The following SCAPER variants were observed in gnomAD, a reference collection of about 807,000 sequenced individuals.
SCAPER encodes the protein S phase cyclin A-associated protein in the endoplasmic reticulum.
Under a neutral mutation model 182.2 loss-of-function variants are expected in SCAPER, and 98 were observed. That is an observed-to-expected ratio of 0.54 (90% CI 0.46 to 0.64). The LOEUF (loss-of-function observed/expected upper bound fraction) is 0.64. Ranked by LOEUF, SCAPER falls within the 30% of genes least tolerant of loss-of-function variation. The pLI is 0.00. For missense variants in SCAPER, 1,432 were observed against 1,690.0 expected (o/e 0.85, Z 2.68); for synonymous variants, 605 against 564.6 (o/e 1.07, Z -1.01).
chr15:76,722,359 G>A, intron 17 of SCAPER, among the ~76,000 whole-genome samples: 1 of 152,182 alleles, frequency 6.6e-6, no homozygotes, highest in East Asian at 1.9e-4. Context: ...TTGCATCAAT[G>A]TTCATCAAGG....
intron 17 of SCAPER, among the ~76,000 whole-genome samples, chr15:76,708,787 T>C (rs913384398): frequency 1.3e-5 from 2 of 152,068 alleles, no homozygotes; most frequent in African/African-American, 4.8e-5. Context: ...AAGAGGAGGC[T>C]GGGCACGATG....
At chr15:76,562,615 A>G (rs1277731048) in intron 23 of SCAPER, among the ~76,000 whole-genome samples, 1 of 152,236 alleles carries the variant, frequency 6.6e-6, no homozygotes, top group Non-Finnish European at 1.5e-5. Flanking sequence ...AAAATGTCTG[A>G]TAATAACAAG....
chr15:76,651,311 A>ATACATCCTGTATG (rs1435202272), intron 21 of SCAPER, among the ~76,000 whole-genome samples: 1 of 152,164 alleles, frequency 6.6e-6, no homozygotes, highest in Non-Finnish European at 1.5e-5. Context: ...AGAGGATGTC[A>ATACATCCTGTATG]CTAAAAAGCA....
At chr15:76,670,676 T>C (rs543794537) in intron 20 of SCAPER, among the ~76,000 whole-genome samples, 3 of 152,348 alleles carry the variant, frequency 2.0e-5, no homozygotes, top group Admixed American at 2.0e-4. Context: ...TCCTGTTTTG[T>C]TTCTAAATCT....
At chr15:76,815,209 A>G (rs2066967761) in intron 5 of SCAPER, among the ~76,000 whole-genome samples, 1 of 152,242 alleles carries the variant, frequency 6.6e-6, no homozygotes, top group Non-Finnish European at 1.5e-5. Flanking sequence ...AAAGTTTCTC[A>G]AAAAATTAAA....
intron 21 of SCAPER, among the ~76,000 whole-genome samples, chr15:76,622,990 A>C (rs2052233262): frequency 6.6e-6 from 1 of 152,158 alleles, no homozygotes; most frequent in South Asian, 2.1e-4. Context: ...CAGTTGTTTA[A>C]GAGTGTGGCA....
intron 1 of SCAPER, among the ~76,000 whole-genome samples, chr15:76,900,472 T>C (rs1002411290): frequency 4.7e-5 from 7 of 149,248 alleles, no homozygotes; most frequent in African/African-American, 1.7e-4. Flanking sequence ...AAAAAAACAG[T>C]GGCCAAGCAG....
intron 6 of SCAPER, among the ~76,000 whole-genome samples, chr15:76,801,066 C>T (rs932905894): frequency 6.6e-6 from 1 of 152,182 alleles, no homozygotes; most frequent in Admixed American, 6.5e-5. Flanking sequence ...ATTTCACTGG[C>T]AAATAGTATT....
intron 1 of SCAPER, among the ~76,000 whole-genome samples, chr15:76,897,823 T>C (rs2074521495): frequency 6.6e-6 from 1 of 152,270 alleles, no homozygotes; most frequent in Non-Finnish European, 1.5e-5. Context: ...GACAGATTAT[T>C]GTTTCTGCAT....
chr15:76,754,505 AAGAT>A (rs879655639), intron 14 of SCAPER, among the ~76,000 whole-genome samples: 5 of 152,098 alleles, frequency 3.3e-5, no homozygotes, highest in Non-Finnish European at 7.4e-5. Context: ...CCTACAAAAA[AAGAT>A]AGATGTAGTA....
chr15:76,673,509 G>A (rs918788174), intron 20 of SCAPER, among the ~76,000 whole-genome samples: 1 of 152,024 alleles, frequency 6.6e-6, no homozygotes, highest in Non-Finnish European at 1.5e-5. Flanking sequence ...AGTAAATATG[G>A]TTATATTATA....
chr15:76,604,283 TC>T, intron 22 of SCAPER, among the ~76,000 whole-genome samples: 1 of 121,354 alleles, frequency 8.2e-6, no homozygotes, highest in South Asian at 2.6e-4. Context: ...AAATAGGGAA[TC>T]CTTTCCCTAT....
At chr15:76,398,297 G>T (rs2044222808) in intron 27 of SCAPER, among the ~76,000 whole-genome samples, 2 of 152,220 alleles carry the variant, frequency 1.3e-5, no homozygotes, top group Admixed American at 6.5e-5. Context: ...CTATGTACCA[G>T]GCAGCATGTT....
chr15:76,635,522 A>G (rs748043675), intron 21 of SCAPER, among the ~76,000 whole-genome samples: 5 of 151,970 alleles, frequency 3.3e-5, no homozygotes, highest in Non-Finnish European at 7.4e-5. Flanking sequence ...AAATAGTTTC[A>G]TATCTTCCTT....
At chr15:76,611,856 C>G (rs149674948) in intron 22 of SCAPER, among the ~76,000 whole-genome samples, 2,364 of 152,226 alleles carry the variant, frequency 0.016, 63 homozygotes, top group African/African-American at 0.055. Flanking sequence ...ATGATTATCT[C>G]AATAGGTGCA....
intron 23 of SCAPER, among the ~76,000 whole-genome samples, chr15:76,509,746 A>C (rs1205569123): frequency 1.3e-5 from 2 of 152,308 alleles, no homozygotes; most frequent in African/African-American, 4.8e-5. Flanking sequence ...ATGGAACCAA[A>C]AAAGAGCCTG....
At chr15:76,764,730 G>A (rs1296230985) in intron 14 of SCAPER, among the ~76,000 whole-genome samples, 1 of 152,216 alleles carries the variant, frequency 6.6e-6, no homozygotes. Flanking sequence ...GGCAAAAGTA[G>A]AGCTTTAATA....
At chr15:76,864,250 A>C (rs1292723421) in intron 2 of SCAPER, among the ~76,000 whole-genome samples, 1 of 152,194 alleles carries the variant, frequency 6.6e-6, no homozygotes, top group Non-Finnish European at 1.5e-5. Flanking sequence ...TGCTTGTCTG[A>C]AACTTCTTTC....
At chr15:76,811,237 CA>C (rs1307780399) in intron 5 of SCAPER, among the ~76,000 whole-genome samples, 3 of 151,260 alleles carry the variant, frequency 2.0e-5, no homozygotes, top group Non-Finnish European at 1.5e-5. Context: ...GGGCAGATCA[CA>C]AAACAAGTTA....
Sources: allele counts gnomAD v4.1 joint callset (sites outside exome capture counted in the v4.1 genomes callset), GRCh38; gene constraint gnomAD v4.1.1; transcripts MANE v1.5; gene names NCBI Gene and HGNC (gene_info 2026-07-23, HGNC 2026-07-21).